MBP: variants seen among roughly 807,000 people sequenced by gnomAD.
MBP encodes myelin basic protein, also known as Golli-MBP.
In MBP, 16 loss-of-function variants were observed where a neutral mutation model predicts 35.8. The ratio of observed to expected loss-of-function variants is 0.45; its 90% CI spans 0.30 to 0.68. The LOEUF is 0.68. Ranked by LOEUF, MBP falls within the 30% of genes least tolerant of loss-of-function variation. The pLI, the probability that MBP is intolerant of heterozygous loss-of-function variation, is 0.08. For synonymous variants in MBP, 143 were observed against 159.6 expected, an observed-to-expected ratio of 0.90 and a Z score of 0.78; for missense variants, 380 against 404.7, an observed-to-expected ratio of 0.94 and a Z score of 0.52.
At chr18:77,120,358 G>A (rs1410683969) in intron 1 of MBP, among the ~76,000 whole-genome samples, 1 of 152,240 alleles carries the variant, frequency 6.6e-6, no homozygotes, top group African/African-American at 2.4e-5. Flanking sequence ...CAGAGGGGCA[G>A]CTGTGAAGTG....
chr18:77,126,919 A>T (rs1977069751), intron 1 of MBP, among the ~76,000 whole-genome samples: 1 of 152,254 alleles, frequency 6.6e-6, no homozygotes, highest in Non-Finnish European at 1.5e-5. Flanking sequence ...ACAACCTGTG[A>T]TCATGGATTG....
At chr18:77,103,833 C>T (rs752891425) in intron 2 of MBP, among the ~76,000 whole-genome samples, 13 of 152,318 alleles carry the variant, frequency 8.5e-5, no homozygotes, top group South Asian at 4.1e-4. Context: ...TCCAGAACCC[C>T]GATTCAGGGC....
At position 77,131,037 on chromosome 18, in the gene MBP, A is replaced by C. The variant is rs561953961; in HGVS notation, c.-26+1543T>G. On this transcript the variant is annotated intron_variant, in intron 1 of 8. Coordinates refer to ENST00000355994, the MANE Select transcript of MBP (RefSeq NM_001025101.2). The surrounding 1 kb of genome is among the most constrained non-coding windows in gnomAD (Gnocchi z 5.5). ...TCTGTTTTTCCCACAAAAAAAAAAA[A>C]AAAACAAAACCTCAAAAAACAAAAC... 7.9e-5 allele frequency among the ~76,000 whole-genome samples: 12 copies of C among 151,416 alleles called. No homozygotes were observed. Among genetic ancestry groups the C allele is most frequent in the African/African-American group, 1.9e-4 (8 of 41,330 alleles).
In MBP at chr18:77,017,249, C is replaced by A. The variant is rs755092177; in HGVS notation, c.159G>T (p.Gln53His). The change falls in exon 4 of 9, where the codon CAG (glutamine) becomes CAT (histidine). Residue 53 changes from glutamine to histidine, a missense_variant. By Grantham distance (24) the Gln-to-His change is conservative. Transcript: ENST00000355994. ...TGTCCTGAGAGGAGGTCCCATTGTT[C>A]TGGTTCGCATCTGCCTCTCCTGCAA... ...NEVFGEADAN[Q>H]NNGTSSQDTA... is the part of the protein sequence containing the mutation. The A allele has an allele frequency of 4.0e-6, 6 of 1,511,856 alleles. No homozygotes were observed. Among genetic ancestry groups the A allele is most frequent in the Non-Finnish European group, 5.3e-6 (6 of 1,131,078 alleles). 93.7% of individuals were successfully genotyped at this position (1,511,856 alleles called of 1,614,324 possible).
intron 3 of MBP, among the ~76,000 whole-genome samples, chr18:77,062,908 A>G (rs1351752987): frequency 1.3e-5 from 2 of 152,186 alleles, no homozygotes; most frequent in African/African-American, 2.4e-5. Flanking sequence ...GCTAAGGATG[A>G]TGGCTTTCTG....
intron 3 of MBP, among the ~76,000 whole-genome samples, chr18:77,050,195 T>C (rs368020913): frequency 4.6e-5 from 7 of 152,198 alleles, no homozygotes; most frequent in African/African-American, 1.4e-4. Context: ...CTAAAAATCA[T>C]TCTTGTTCTA....
At chr18:77,108,596 T>C (rs1254858693) in intron 1 of MBP, 1 of 152,198 alleles carries the variant, frequency 6.6e-6, no homozygotes, top group Non-Finnish European at 1.5e-5. Flanking sequence ...TTATCAACAC[T>C]TAGTGTTACC....
chr18:77,083,326 C>A (rs1466222658), intron 2 of MBP, among the ~76,000 whole-genome samples: 1 of 152,068 alleles, frequency 6.6e-6, no homozygotes, highest in Non-Finnish European at 1.5e-5. Flanking sequence ...CCTGATCAAC[C>A]CTGAGGACCC....
At chr18:77,105,361 A>G in intron 1 of MBP, 75 bp from the exon 2 acceptor site, 1 of 953,998 alleles carries the variant, frequency 1.0e-6, no homozygotes, top group Non-Finnish European at 1.7e-6. Context: ...TCCATCAGAA[A>G]GACAATCCTG....
At chr18:77,015,166 C>T (rs1261164622) in intron 4 of MBP, 46 of 984,822 alleles carry the variant, frequency 4.7e-5, no homozygotes, top group Non-Finnish European at 5.5e-5. Context: ...TCAATGCTTT[C>T]ACCATTTTAT....
intron 4 of MBP, among the ~76,000 whole-genome samples, chr18:76,991,453 C>T (rs977528546): frequency 4.6e-5 from 7 of 152,182 alleles, no homozygotes; most frequent in Middle Eastern, 3.2e-3. Context: ...GGGGATGCTG[C>T]GGCTTTTGCA....
intron 2 of MBP, among the ~76,000 whole-genome samples, chr18:77,104,494 C>T (rs1976177265): frequency 6.6e-6 from 1 of 152,162 alleles, no homozygotes; most frequent in Admixed American, 6.5e-5. Flanking sequence ...TTTCGCCAGA[C>T]CTCTGGGATT....
intron 4 of MBP, chr18:77,015,397 G>A: frequency 1.0e-6 from 1 of 985,352 alleles, no homozygotes; most frequent in Non-Finnish European, 1.2e-6. Flanking sequence ...TGTCTGGTGT[G>A]GTTTGATAGC....
At chr18:77,040,064 CAGTT>C (rs1972928018) in intron 3 of MBP, among the ~76,000 whole-genome samples, 2 of 152,214 alleles carry the variant, frequency 1.3e-5, no homozygotes, top group Admixed American at 1.3e-4. Flanking sequence ...TATAAAGCCA[CAGTT>C]ACCTAAACGA....
At chr18:77,100,532 T>G in intron 2 of MBP, among the ~76,000 whole-genome samples, 1 of 149,088 alleles carries the variant, frequency 6.7e-6, no homozygotes. Flanking sequence ...TGTGTGTGTG[T>G]GTGTGTGTGT....
chr18:76,984,386 G>A (rs1969411701), intron 8 of MBP: 3 of 221,786 alleles, frequency 1.4e-5, no homozygotes, highest in Non-Finnish European at 2.7e-5. Context: ...ATTCCCTCCC[G>A]TGGCTCCAGG....
intron 3 of MBP, among the ~76,000 whole-genome samples, chr18:77,043,593 T>TCA (rs34915667): frequency 0.92 from 139,974 of 152,202 alleles, 64,395 homozygotes; most frequent in East Asian, 1. Flanking sequence ...AGCGTGACAC[T>TCA]CAGCAGCGTG....
intron 3 of MBP, among the ~76,000 whole-genome samples, chr18:77,029,388 G>GGGAGACCGTGGAAAGAGAGGGAA (rs1972446591): frequency 7.3e-6 from 1 of 136,784 alleles, no homozygotes; most frequent in African/African-American, 2.7e-5. Flanking sequence ...CTCGGCATCA[G>GGGAGACCGTGGAAAGAGAGGGAA]AGGGAGACCG....
intron 3 of MBP, among the ~76,000 whole-genome samples, chr18:77,038,372 A>G (rs779601394): frequency 1.3e-5 from 2 of 152,360 alleles, no homozygotes; most frequent in South Asian, 2.1e-4. Context: ...ATGCACTTTC[A>G]TATTTGGTCC....
Sources: allele counts gnomAD v4.1 joint callset (sites outside exome capture counted in the v4.1 genomes callset), GRCh38; gene constraint gnomAD v4.1.1; non-coding constraint Gnocchi (gnomAD v3.1); transcripts MANE v1.5; gene names NCBI Gene and HGNC (gene_info 2026-07-23, HGNC 2026-07-21).